The following RPS6KA2 variants were observed in gnomAD, a reference collection of about 807,000 sequenced individuals.
The protein encoded by RPS6KA2 is ribosomal protein S6 kinase A2, also known as ribosomal protein S6 kinase alpha-2.
In RPS6KA2, 42 loss-of-function variants were observed where a neutral mutation model predicts 91.8. That is an observed-to-expected ratio of 0.46 (90% confidence interval 0.36 to 0.59). The LOEUF (loss-of-function observed/expected upper bound fraction) is 0.59, where lower values mean the gene tolerates loss of function less well. Among genes scored for constraint, RPS6KA2 ranks in the 20% least tolerant of loss-of-function variants. RPS6KA2 has a pLI of 0.00. For synonymous variants in RPS6KA2, 414 were observed against 393.6 expected, an observed-to-expected ratio of 1.05 and a Z score of -0.61; for missense variants, 798 against 978.5, an observed-to-expected ratio of 0.82 and a Z score of 2.46.
At chr6:166,464,431 C>T (rs1202196309) in intron 11 of RPS6KA2, among the ~76,000 whole-genome samples, 1 of 152,156 alleles carries the variant, frequency 6.6e-6, no homozygotes, top group Non-Finnish European at 1.5e-5. Flanking sequence ...TAACGAATAA[C>T]AGTAATAATA....
intron 2 of RPS6KA2, among the ~76,000 whole-genome samples, chr6:166,751,260 G>A (rs1486359777): frequency 6.6e-6 from 1 of 152,244 alleles, no homozygotes; most frequent in Non-Finnish European, 1.5e-5. Flanking sequence ...GTGGAGGCAA[G>A]ACCAGCGCCC....
intron 2 of RPS6KA2, among the ~76,000 whole-genome samples, chr6:166,740,901 C>A (rs1790792645): frequency 6.6e-6 from 1 of 152,232 alleles, no homozygotes; most frequent in African/African-American, 2.4e-5. Flanking sequence ...TGTCTGAAAG[C>A]ATCAAGGAGT....
chr6:166,518,434 CA>C (rs933491340), intron 3 of RPS6KA2, among the ~76,000 whole-genome samples: 9 of 150,980 alleles, frequency 6.0e-5, no homozygotes, highest in African/African-American at 2.0e-4. Context: ...AAAAGGCAAA[CA>C]AAAAAATATG....
chr6:166,440,945 C>G (rs915425967), intron 14 of RPS6KA2, among the ~76,000 whole-genome samples: 1 of 152,222 alleles, frequency 6.6e-6, no homozygotes, highest in African/African-American at 2.4e-5. Context: ...CGAGGAGATA[C>G]AAATGCCCAA....
At position 166,437,427 on chromosome 6, in the gene RPS6KA2, A is replaced by G. The variant is rs968374458; in HGVS notation, c.1333-4937T>C. Among the ~76,000 whole-genome samples, 1 of 152,190 alleles carries G rather than the reference A, an allele frequency of 6.6e-6. No homozygotes were observed. The highest frequency in any genetic ancestry group is 6.5e-5 in the Admixed American group (1 of 15,276). Reference sequence around the variant, plus strand: ...GGCCTCCCCTCCAGGCTGACGCTCAAATAATGCTGACGCGCCACGGAGTAG... The same window carrying G: ...GGCCTCCCCTCCAGGCTGACGCTCAGATAATGCTGACGCGCCACGGAGTAG... On this transcript the variant is annotated intron_variant, in intron 14 of 20. Transcript: ENST00000265678. The surrounding 1 kb of genome is among the most constrained non-coding windows in gnomAD (Gnocchi z 4.3).
At chr6:166,690,976 T>G (rs1171883572) in intron 2 of RPS6KA2, among the ~76,000 whole-genome samples, 1 of 152,200 alleles carries the variant, frequency 6.6e-6, no homozygotes, top group South Asian at 2.1e-4. Context: ...ATAATTAATG[T>G]GATCATCAAC....
At chr6:166,600,961 T>C (rs1785710872) in intron 1 of RPS6KA2, among the ~76,000 whole-genome samples, 1 of 152,182 alleles carries the variant, frequency 6.6e-6, no homozygotes, top group South Asian at 2.1e-4. Context: ...ACTCTGCATA[T>C]CCAATATTTC....
At chr6:166,503,847 A>G (rs1211552211) in intron 6 of RPS6KA2, among the ~76,000 whole-genome samples, 2 of 152,228 alleles carry the variant, frequency 1.3e-5, no homozygotes, top group African/African-American at 2.4e-5. Context: ...GATTAGCAAA[A>G]TATCGTAGAA....
At chr6:166,516,121 G>A (rs1288510948) in intron 3 of RPS6KA2, among the ~76,000 whole-genome samples, 2 of 152,204 alleles carry the variant, frequency 1.3e-5, no homozygotes, top group Admixed American at 6.5e-5. Context: ...GCTGTCACAG[G>A]TGCATGCCCT....
chr6:166,658,315 G>A lies in RPS6KA2; in HGVS notation c.124-119531C>T, dbSNP rs116164722. ...ATGCTGAACGCTGCATGTGATGCCC[G>A]ACAGCCCTGTGCACAGCCTTGGCCC... On this transcript the variant is annotated intron_variant, in intron 2 of 21. Transcript: ENST00000503859. 2.6e-3 allele frequency among the ~76,000 whole-genome samples: 403 copies of A among 152,284 alleles called. 3 individuals carry two copies. The highest frequency in any genetic ancestry group is 8.9e-3 in the African/African-American group (372 of 41,566).
chr6:166,829,576 C>A (rs375410359), intron 2 of RPS6KA2, among the ~76,000 whole-genome samples: 1 of 109,460 alleles, frequency 9.1e-6, no homozygotes, highest in African/African-American at 3.9e-5. Flanking sequence ...GGCAACAGAG[C>A]GAGACTCTGT....
chr6:166,787,545 G>A (rs1927432), intron 2 of RPS6KA2, among the ~76,000 whole-genome samples: 126,964 of 152,002 alleles, frequency 0.84, 53,270 homozygotes, highest in East Asian at 0.98. Context: ...CCTGTTAAAA[G>A]TTACTGTCTC....
Position 166,770,876 on chromosome 6 carries a change from G to A in RPS6KA2, c.123+87324C>T, listed in dbSNP as rs777809723. 1 of 1,597,080 alleles carries A rather than the reference G, an allele frequency of 6.3e-7. No homozygotes were observed. Among genetic ancestry groups the A allele is most frequent in the Non-Finnish European group, 8.5e-7 (1 of 1,179,530 alleles). ...AACGCTTCTTACCTCTACGGATCCA[G>A]CTACCTTTGTCTTGCAGGCAGCTGA... On this transcript the variant is annotated intron_variant, in intron 2 of 21. Transcript: ENST00000503859. This position sits in a 1 kb window ranked among gnomAD's most constrained non-coding sequence, Gnocchi z 5.1.
chr6:166,626,342 C>G lies in RPS6KA2; in HGVS notation c.99+579G>C, dbSNP rs983987794. ...CAGCCTCGGCGCTGCGAGGATATTGCATCAGGCTCTTTACTCCTGAACGCC... is the reference window on the plus strand; with the variant it reads ...CAGCCTCGGCGCTGCGAGGATATTGGATCAGGCTCTTTACTCCTGAACGCC... On this transcript the variant is annotated intron_variant, in intron 1 of 20. Transcript: ENST00000265678. This position sits in a 1 kb window ranked among gnomAD's most constrained non-coding sequence, Gnocchi z 4.1. 3.9e-5 allele frequency among the ~76,000 whole-genome samples: 6 copies of G among 152,244 alleles called. No individual in the cohort carries two copies. The highest frequency in any genetic ancestry group is 7.3e-5 in the Non-Finnish European group (5 of 68,046).
chr6:166,783,776 C>A (rs1175039840), intron 2 of RPS6KA2, among the ~76,000 whole-genome samples: 1 of 145,204 alleles, frequency 6.9e-6, no homozygotes, highest in African/African-American at 2.6e-5. Context: ...ATGTGCACAT[C>A]TATCTATAAC....
intron 2 of RPS6KA2, among the ~76,000 whole-genome samples, chr6:166,699,497 C>T (rs763089071): frequency 6.6e-6 from 1 of 152,156 alleles, no homozygotes; most frequent in Admixed American, 6.5e-5. Flanking sequence ...TATAGAAATT[C>T]ATCTTGAAAT....
intron 2 of RPS6KA2, among the ~76,000 whole-genome samples, chr6:166,706,897 T>TTCA (rs1453628544): frequency 6.6e-6 from 1 of 152,166 alleles, no homozygotes; most frequent in Admixed American, 6.5e-5. Flanking sequence ...CCTTGAATAG[T>TTCA]AGTAACAAAA....
intron 2 of RPS6KA2, among the ~76,000 whole-genome samples, chr6:166,727,323 C>A (rs55788050): frequency 0.068 from 9,832 of 144,108 alleles, 468 homozygotes; most frequent in African/African-American, 0.16. Flanking sequence ...CAAACAAACA[C>A]ACACACACAC....
intron 1 of RPS6KA2, among the ~76,000 whole-genome samples, chr6:166,595,671 C>T (rs2128523480): frequency 6.6e-6 from 1 of 152,330 alleles, no homozygotes. Flanking sequence ...CAAACAAACA[C>T]ATTTCATGTT....
Sources: gnomAD v4.1 joint callset for allele counts (sites outside exome capture counted in the v4.1 genomes callset) on GRCh38, gnomAD v4.1.1 for gene constraint, Gnocchi (gnomAD v3.1) non-coding constraint, MANE v1.5 for transcripts, NCBI Gene and HGNC (gene_info 2026-07-23, HGNC 2026-07-21) for gene names.